The following CRADD variants were observed in gnomAD, a reference collection of about 807,000 sequenced individuals.
CRADD encodes the protein death domain-containing protein CRADD.
A neutral mutation model predicts 15.5 loss-of-function variants in CRADD; 9 were observed. That is an observed-to-expected ratio of 0.58 (90% confidence interval 0.35 to 1.01). The LOEUF (loss-of-function observed/expected upper bound fraction) is 1.01. Ranked by LOEUF, CRADD falls within the 50% of genes least tolerant of loss-of-function variation. The pLI, the probability that CRADD is intolerant of heterozygous loss-of-function variation, is 0.02. For missense variants in CRADD, 227 were observed against 250.3 expected (o/e 0.91, Z 0.63); for synonymous variants, 118 against 107.6 (o/e 1.10, Z -0.60).
chr12:93,871,933 T>A (rs988315230), intron 2 of CRADD, among the ~76,000 whole-genome samples: 4 of 152,188 alleles, frequency 2.6e-5, no homozygotes, highest in African/African-American at 9.7e-5. Flanking sequence ...TACCTAGCAG[T>A]GGGATTGATG....
At chr12:93,795,705 C>T (rs1957407329) in intron 2 of CRADD, among the ~76,000 whole-genome samples, 1 of 152,076 alleles carries the variant, frequency 6.6e-6, no homozygotes, top group South Asian at 2.1e-4. Flanking sequence ...ATCTATTTTT[C>T]TTTTCCTGTG....
At chr12:93,831,151 C>T (rs1957894243) in intron 2 of CRADD, 1 of 152,316 alleles carries the variant, frequency 6.6e-6, no homozygotes, top group African/African-American at 2.4e-5. Flanking sequence ...GAGTCTAGGA[C>T]TTCTGGGCTG....
intron 2 of CRADD, among the ~76,000 whole-genome samples, chr12:93,784,981 C>A (rs766375358): frequency 6.6e-6 from 1 of 152,078 alleles, no homozygotes. Context: ...AGGCACAACT[C>A]GTTATTAATT....
intron 2 of CRADD, among the ~76,000 whole-genome samples, chr12:93,784,827 G>A (rs909775150): frequency 3.3e-5 from 5 of 152,164 alleles, no homozygotes; most frequent in Admixed American, 6.5e-5. Flanking sequence ...AAGAAAGTAG[G>A]TCAGCAATGA....
At chr12:93,782,009 T>C (rs946497273) in intron 2 of CRADD, among the ~76,000 whole-genome samples, 1 of 152,062 alleles carries the variant, frequency 6.6e-6, no homozygotes, top group Non-Finnish European at 1.5e-5. Context: ...ACCCAAAGGA[T>C]TATAAATCAT....
At chr12:93,770,090 T>G (rs536585321) in intron 2 of CRADD, among the ~76,000 whole-genome samples, 9 of 140,988 alleles carry the variant, frequency 6.4e-5, no homozygotes, top group African/African-American at 2.3e-4. Flanking sequence ...TATCCTCCTA[T>G]GTTATCTTTT....
At chr12:93,790,889 A>G (rs1957341025) in intron 2 of CRADD, 1 of 143,164 alleles carries the variant, frequency 7.0e-6, no homozygotes, top group South Asian at 2.2e-4. Flanking sequence ...CATCTCCTCC[A>G]AGAAATAAAA....
intron 2 of CRADD, among the ~76,000 whole-genome samples, chr12:93,736,514 C>G (rs1374870081): frequency 1.3e-5 from 2 of 152,170 alleles, no homozygotes; most frequent in Non-Finnish European, 2.9e-5. Context: ...ACAATAAAAT[C>G]TATCTTCTGT....
At chr12:93,678,218 T>C (rs993695586) in intron 1 of CRADD, among the ~76,000 whole-genome samples, 6 of 152,198 alleles carry the variant, frequency 3.9e-5, no homozygotes, top group African/African-American at 1.4e-4. Context: ...TAGAGGACTT[T>C]TAGCGAAAAG....
At chr12:93,716,130 T>C (rs1173633898) in intron 2 of CRADD, among the ~76,000 whole-genome samples, 1 of 134,564 alleles carries the variant, frequency 7.4e-6, no homozygotes, top group Non-Finnish European at 1.5e-5. Context: ...AGACTCCACC[T>C]CAAAAAAAAA....
intron 2 of CRADD, among the ~76,000 whole-genome samples, chr12:93,778,978 A>C (rs1362189517): frequency 6.6e-6 from 1 of 152,228 alleles, no homozygotes; most frequent in Non-Finnish European, 1.5e-5. Context: ...TTCAAAACAC[A>C]GCCTGTTCTC....
intron 2 of CRADD, among the ~76,000 whole-genome samples, chr12:93,781,665 C>A (rs998889448): frequency 6.6e-6 from 1 of 152,168 alleles, no homozygotes; most frequent in Non-Finnish European, 1.5e-5. Context: ...GTATTCTTAC[C>A]CACATCCCCT....
chr12:93,839,465 C>T (rs1459977225), intron 2 of CRADD, among the ~76,000 whole-genome samples: 4 of 152,186 alleles, frequency 2.6e-5, no homozygotes, highest in Non-Finnish European at 2.9e-5. Flanking sequence ...TAGAACTTTT[C>T]TTGGGTACGT....
At chr12:93,679,578 C>T (rs1271084582) in intron 2 of CRADD, among the ~76,000 whole-genome samples, 1 of 152,084 alleles carries the variant, frequency 6.6e-6, no homozygotes, top group African/African-American at 2.4e-5. Flanking sequence ...TTAGGAAGTG[C>T]AGGGAAGGAA....
At chr12:93,713,766 A>G (rs561052466) in intron 2 of CRADD, among the ~76,000 whole-genome samples, 3 of 152,336 alleles carry the variant, frequency 2.0e-5, no homozygotes, top group Admixed American at 1.3e-4. Flanking sequence ...GTATGAAAAA[A>G]TAATGTAAAT....
chr12:93,697,373 A>G (rs1216770565), intron 2 of CRADD, among the ~76,000 whole-genome samples: 1 of 152,238 alleles, frequency 6.6e-6, no homozygotes, highest in Non-Finnish European at 1.5e-5. Context: ...CCACGTGAAG[A>G]TGCAGCAAGA....
chr12:93,696,650 G>T (rs1955712724), intron 2 of CRADD, among the ~76,000 whole-genome samples: 1 of 151,638 alleles, frequency 6.6e-6, no homozygotes, highest in Non-Finnish European at 1.5e-5. Flanking sequence ...AAGTTCAAGA[G>T]ATCTATTGTG....
intron 2 of CRADD, among the ~76,000 whole-genome samples, chr12:93,691,384 G>T (rs1317704745): frequency 6.6e-6 from 1 of 151,898 alleles, no homozygotes; most frequent in Non-Finnish European, 1.5e-5. Flanking sequence ...CTTCCGAGTA[G>T]CTGGGATTAC....
At chr12:93,732,361 T>C (rs576451158) in intron 2 of CRADD, among the ~76,000 whole-genome samples, 2 of 152,158 alleles carry the variant, frequency 1.3e-5, no homozygotes, top group Non-Finnish European at 2.9e-5. Context: ...AAACAGATTT[T>C]TAAATTACTT....
Sources: allele counts gnomAD v4.1 joint callset (sites outside exome capture counted in the v4.1 genomes callset), GRCh38; gene constraint gnomAD v4.1.1; transcripts MANE v1.5; gene names NCBI Gene and HGNC (gene_info 2026-07-23, HGNC 2026-07-21).